NTM: variants seen among roughly 807,000 people sequenced by gnomAD.
NTM encodes IgLON family member 2.
In NTM, 13 loss-of-function variants were observed where a neutral mutation model predicts 42.1. That is an observed-to-expected ratio of 0.31 (90% CI 0.20 to 0.49). The LOEUF (loss-of-function observed/expected upper bound fraction) is 0.49, where lower values mean the gene tolerates loss of function less well. Among genes scored for constraint, NTM ranks in the 20% least tolerant of loss-of-function variants. The pLI, the probability that NTM is intolerant of heterozygous loss-of-function variation, is 0.99. For missense variants in NTM, 373 were observed against 452.8 expected, an observed-to-expected ratio of 0.82 and a Z score of 1.60; for synonymous variants, 187 against 179.2, an observed-to-expected ratio of 1.04 and a Z score of -0.35.
chr11:131,927,004 A>G (rs950584490), intron 2 of NTM, among the ~76,000 whole-genome samples: 22 of 152,144 alleles, frequency 1.4e-4, no homozygotes, highest in Non-Finnish European at 3.2e-4. Flanking sequence ...TCATGTATGG[A>G]TGTGTGTGTA....
Position 132,300,011 on chromosome 11 carries a change from G to A in NTM, c.527-7678G>A, listed in dbSNP as rs546111430. On this transcript the variant is annotated intron_variant, in intron 4 of 8. Transcript: ENST00000683400. ...TCTCAGCAGTTCTTACCTGGGCTAT[G>A]CAGCTATACCTGCTTTTTTAAAATA... Among the ~76,000 whole-genome samples the A allele has an allele frequency of 5.2e-4, 79 of 152,160 alleles. 1 individual carries two copies. The South Asian group carries it at 0.012, about 24-fold the overall frequency.
At chr11:132,332,114 C>T (rs1180119170) in intron 8 of NTM, 1 of 152,178 alleles carries the variant, frequency 6.6e-6, no homozygotes, top group African/African-American at 2.4e-5. Context: ...GGGTCAAGGC[C>T]ACAGGTGGCA....
chr11:132,010,980 A>T (rs2072041768), intron 2 of NTM, among the ~76,000 whole-genome samples: 1 of 151,546 alleles, frequency 6.6e-6, no homozygotes, highest in African/African-American at 2.4e-5. Flanking sequence ...ATAAAATGAA[A>T]GTGACCTGAT....
intron 2 of NTM, among the ~76,000 whole-genome samples, chr11:131,924,537 G>A (rs998481143): frequency 1.3e-5 from 2 of 152,160 alleles, no homozygotes; most frequent in African/African-American, 2.4e-5. Flanking sequence ...AATGTGAGCC[G>A]AAGCTCTGTG....
chr11:131,892,887 A>C (rs1481212658), intron 1 of NTM, among the ~76,000 whole-genome samples: 1 of 151,656 alleles, frequency 6.6e-6, no homozygotes. Context: ...CAGACAGAAA[A>C]CTCTTCTCCT....
At chr11:132,031,438 G>A (rs1406550137) in intron 2 of NTM, among the ~76,000 whole-genome samples, 1 of 152,084 alleles carries the variant, frequency 6.6e-6, no homozygotes, top group Non-Finnish European at 1.5e-5. Flanking sequence ...CTTTGACCAT[G>A]GTGTAGGAGT....
At chr11:132,101,810 T>G (rs1393997808) in intron 2 of NTM, among the ~76,000 whole-genome samples, 1 of 152,222 alleles carries the variant, frequency 6.6e-6, no homozygotes, top group Non-Finnish European at 1.5e-5. Flanking sequence ...CTGTCCTGCC[T>G]CACCTAACTC....
intron 1 of NTM, among the ~76,000 whole-genome samples, chr11:131,894,235 G>A (rs940071667): frequency 2.6e-5 from 4 of 152,200 alleles, no homozygotes; most frequent in African/African-American, 9.6e-5. Context: ...ACACGAGCCA[G>A]TTACTCTGCT....
chr11:131,748,697 G>A (rs2082118967), intron 1 of NTM, among the ~76,000 whole-genome samples: 1 of 152,150 alleles, frequency 6.6e-6, no homozygotes. Flanking sequence ...TGTTCCCAGG[G>A]GGGTGCAATT....
chr11:131,720,402 C>T (rs1484751866), intron 1 of NTM, among the ~76,000 whole-genome samples: 1 of 152,032 alleles, frequency 6.6e-6, no homozygotes, highest in East Asian at 1.9e-4. Flanking sequence ...GTGAGGTTGC[C>T]CTGGAAAACA....
At chr11:131,696,196 G>A (rs1365600447) in intron 1 of NTM, among the ~76,000 whole-genome samples, 3 of 152,154 alleles carry the variant, frequency 2.0e-5, no homozygotes, top group African/African-American at 4.8e-5. Context: ...GGGGTGTGGG[G>A]TGATGTTGGG....
At chr11:131,384,949 C>T (rs887620696) in intron 1 of NTM, among the ~76,000 whole-genome samples, 2 of 152,216 alleles carry the variant, frequency 1.3e-5, no homozygotes, top group Non-Finnish European at 2.9e-5. Context: ...GCCATCTGGA[C>T]CTGTTGCACA....
intron 1 of NTM, among the ~76,000 whole-genome samples, chr11:131,807,148 G>A (rs2092538134): frequency 6.6e-6 from 1 of 152,192 alleles, no homozygotes. Context: ...CCATGGCTGT[G>A]ACTGAAAGGA....
At chr11:131,916,459 GT>G (rs1404942786) in intron 2 of NTM, among the ~76,000 whole-genome samples, 5 of 152,182 alleles carry the variant, frequency 3.3e-5, no homozygotes, top group Non-Finnish European at 7.3e-5. Flanking sequence ...ATTGGATGAT[GT>G]TGTTTTTCCC....
chr11:131,518,720 A>G (rs980832387), intron 1 of NTM, among the ~76,000 whole-genome samples: 2 of 152,112 alleles, frequency 1.3e-5, no homozygotes, highest in Admixed American at 1.3e-4. Flanking sequence ...TACTTTCCTC[A>G]TCTTTCCTGC....
chr11:131,798,385 C>T (rs2091809014), intron 1 of NTM, among the ~76,000 whole-genome samples: 1 of 152,188 alleles, frequency 6.6e-6, no homozygotes, highest in Admixed American at 6.5e-5. Context: ...GAGACTCCTC[C>T]AAATGCCTTA....
chr11:131,624,993 C>T (rs2062959863), intron 1 of NTM, among the ~76,000 whole-genome samples: 1 of 152,166 alleles, frequency 6.6e-6, no homozygotes, highest in Non-Finnish European at 1.5e-5. Flanking sequence ...TAAAAATCAC[C>T]ATAACCTGAA....
At chr11:131,471,450 A>C (rs1002076333) in intron 1 of NTM, among the ~76,000 whole-genome samples, 3 of 152,128 alleles carry the variant, frequency 2.0e-5, no homozygotes, top group Admixed American at 2.0e-4. Flanking sequence ...TCATCACATG[A>C]GTTATTTTGT....
chr11:131,759,956 G>T (rs1200163968), intron 1 of NTM, among the ~76,000 whole-genome samples: 1 of 152,102 alleles, frequency 6.6e-6, no homozygotes, highest in Non-Finnish European at 1.5e-5. Flanking sequence ...TTCCTAACAT[G>T]AACCCATCAT....
Sources: gnomAD v4.1 joint callset for allele counts (sites outside exome capture counted in the v4.1 genomes callset) on GRCh38, gnomAD v4.1.1 for gene constraint, MANE v1.5 for transcripts, NCBI Gene and HGNC (gene_info 2026-07-23, HGNC 2026-07-21) for gene names.